Variants in ITGBL1 observed in about 807,000 individuals in gnomAD.
ITGBL1 encodes integrin beta-like protein 1.
ITGBL1 carries 51 observed loss-of-function variants against 68.5 expected under a neutral mutation model. The observed-to-expected ratio is 0.74, with a 90% CI of 0.59 to 0.94. The LOEUF is 0.94. Ranked by LOEUF, ITGBL1 falls within the 40% of genes least tolerant of loss-of-function variation. The pLI, the probability that ITGBL1 is intolerant of heterozygous loss-of-function variation, is 0.00. For missense variants in ITGBL1, 649 were observed against 647.4 expected (o/e 1.00, Z -0.03); for synonymous variants, 209 against 227.3 (o/e 0.92, Z 0.72).
chr13:101,513,961 AGT>A (rs1425228515), intron 2 of ITGBL1, among the ~76,000 whole-genome samples: 1 of 152,066 alleles, frequency 6.6e-6, no homozygotes, highest in Non-Finnish European at 1.5e-5. Flanking sequence ...ATATTTATAT[AGT>A]GTTTGTTTAT....
chr13:101,647,513 G>C (rs1403906576), intron 7 of ITGBL1, among the ~76,000 whole-genome samples: 2 of 152,178 alleles, frequency 1.3e-5, no homozygotes, highest in Non-Finnish European at 2.9e-5. Flanking sequence ...TTGAAGGAAT[G>C]GGAATGCCGT....
intron 2 of ITGBL1, among the ~76,000 whole-genome samples, chr13:101,539,205 C>T: frequency 7.6e-6 from 1 of 132,038 alleles, no homozygotes; most frequent in African/African-American, 2.8e-5. Context: ...CTCCCCCCTC[C>T]CCCCACTCCA....
In ITGBL1 at chr13:101,627,675, T is replaced by G. The variant is rs376671054; in HGVS notation, c.1015+29376T>G. Among the ~76,000 whole-genome samples, 8 of 152,262 alleles carry G rather than the reference T, an allele frequency of 5.3e-5. 1 individual carries two copies. The highest frequency in any genetic ancestry group is 3.3e-4 in the Admixed American group (5 of 15,280). On this transcript the variant is annotated intron_variant, in intron 7 of 10. Transcript: ENST00000376180. ...GGATCTTTTTACTGTCACCATAGTT[T>G]TGCATTTTCCAGAGTGTCATACAGT...
intron 2 of ITGBL1, among the ~76,000 whole-genome samples, chr13:101,538,294 GT>G (rs1239361424): frequency 6.6e-6 from 1 of 151,860 alleles, no homozygotes; most frequent in Non-Finnish European, 1.5e-5. Context: ...GAAGGAAACA[GT>G]TTACTGGGGT....
chr13:101,683,408 C>A (rs1410591470), intron 7 of ITGBL1, among the ~76,000 whole-genome samples: 1 of 151,938 alleles, frequency 6.6e-6, no homozygotes, highest in African/African-American at 2.4e-5. Context: ...AATGTATTTG[C>A]GATTCTTTCT....
chr13:101,714,526 C>A lies in ITGBL1; in HGVS notation c.1368C>A (p.Asp456Glu). 1 of 1,606,298 alleles carries A rather than the reference C, an allele frequency of 6.2e-7. No homozygotes were observed. The highest frequency in any genetic ancestry group is 8.5e-7 in the Non-Finnish European group (1 of 1,172,982). Residue 456 changes from aspartate (D) to glutamate (E), a missense_variant, in exon 10 of 11, where the codon GAC becomes GAA. Coordinates refer to ENST00000376180, the MANE Select transcript of ITGBL1 (RefSeq NM_004791.3). ...EFCDCDDRDCDKHDGLICTGN... is the reference protein window; with the variant it reads ...EFCDCDDRDCEKHDGLICTGN... Reference sequence around the variant, plus strand: ...GTGACTGTGATGACAGAGACTGCGACAAACATGATGGTCTCATTTGTACAG... The same window carrying A: ...GTGACTGTGATGACAGAGACTGCGAAAAACATGATGGTCTCATTTGTACAG...
At chr13:101,681,077 C>T (rs541057092) in intron 7 of ITGBL1, among the ~76,000 whole-genome samples, 1 of 152,262 alleles carries the variant, frequency 6.6e-6, no homozygotes, top group Non-Finnish European at 1.5e-5. Flanking sequence ...TAGCATGATA[C>T]TTACCCCACA....
chr13:101,614,299 A>T (rs762447651), intron 7 of ITGBL1, among the ~76,000 whole-genome samples: 3 of 152,144 alleles, frequency 2.0e-5, no homozygotes, highest in Non-Finnish European at 4.4e-5. Flanking sequence ...GGAGGAATGT[A>T]TTTAGCCACT....
At chr13:101,582,515 C>A (rs2139287954) in intron 5 of ITGBL1, among the ~76,000 whole-genome samples, 1 of 152,282 alleles carries the variant, frequency 6.6e-6, no homozygotes, top group East Asian at 1.9e-4. Context: ...TGGGCATTTC[C>A]CTCTGCAAAT....
At chr13:101,680,494 T>C (rs973614964) in intron 7 of ITGBL1, among the ~76,000 whole-genome samples, 2 of 151,304 alleles carry the variant, frequency 1.3e-5, no homozygotes, top group African/African-American at 2.4e-5. Flanking sequence ...GATGATACAG[T>C]GCTCTCCTGA....
At chr13:101,564,059 C>T (rs1044279753) in intron 2 of ITGBL1, among the ~76,000 whole-genome samples, 1 of 151,876 alleles carries the variant, frequency 6.6e-6, no homozygotes, top group Non-Finnish European at 1.5e-5. Context: ...GTTAAGATGG[C>T]AATTCTCTCT....
At chr13:101,519,117 C>T (rs570238615) in intron 2 of ITGBL1, among the ~76,000 whole-genome samples, 30 of 152,022 alleles carry the variant, frequency 2.0e-4, no homozygotes, top group African/African-American at 5.1e-4. Context: ...TGTTCAAATC[C>T]GTAATGGAAT....
chr13:101,600,065 A>T (rs1303473047), intron 7 of ITGBL1, among the ~76,000 whole-genome samples: 1 of 152,202 alleles, frequency 6.6e-6, no homozygotes, highest in East Asian at 1.9e-4. Context: ...CTTCCTATCC[A>T]TGAGCATGGA....
At chr13:101,583,414 TAAAA>T (rs370279713) in intron 6 of ITGBL1, 58 bp downstream of exon 6, 478 of 1,046,456 alleles carry the variant, frequency 4.6e-4, no homozygotes, top group Middle Eastern at 1.0e-3. Flanking sequence ...TGTTAATGGG[TAAAA>T]AAAAAAAAAA....
intron 2 of ITGBL1, among the ~76,000 whole-genome samples, chr13:101,502,769 A>G (rs540045144): frequency 5.1e-4 from 78 of 152,326 alleles, no homozygotes; most frequent in Non-Finnish European, 9.6e-4. Context: ...TGTTACCAGT[A>G]AGAATGCCAG....
intron 2 of ITGBL1, among the ~76,000 whole-genome samples, chr13:101,488,071 G>A (rs1052364648): frequency 2.0e-5 from 3 of 152,192 alleles, no homozygotes; most frequent in African/African-American, 7.2e-5. Flanking sequence ...AAGGGATGGA[G>A]GATGGCAGGG....
chr13:101,676,774 G>C (rs893500833), intron 7 of ITGBL1, among the ~76,000 whole-genome samples: 2 of 151,984 alleles, frequency 1.3e-5, no homozygotes, highest in Non-Finnish European at 2.9e-5. Flanking sequence ...AAAAGGAGTC[G>C]GTTGAAGAAT....
At chr13:101,703,798 G>C (rs2034189245) in intron 8 of ITGBL1, among the ~76,000 whole-genome samples, 1 of 152,216 alleles carries the variant, frequency 6.6e-6, no homozygotes, top group African/African-American at 2.4e-5. Context: ...GGATGTAGGA[G>C]ATCGGTCAGG....
intron 6 of ITGBL1, among the ~76,000 whole-genome samples, chr13:101,591,868 G>GA (rs2050661426): frequency 6.6e-6 from 1 of 152,042 alleles, no homozygotes. Flanking sequence ...TGTTTATTAG[G>GA]AATTATGGAA....
Sources: gnomAD v4.1 joint callset for allele counts (sites outside exome capture counted in the v4.1 genomes callset) on GRCh38, gnomAD v4.1.1 for gene constraint, MANE v1.5 for transcripts, NCBI Gene and HGNC (gene_info 2026-07-23, HGNC 2026-07-21) for gene names.